Variants in ROBO1 observed in about 807,000 individuals in gnomAD.
ROBO1 encodes roundabout homolog 1.
A neutral mutation model predicts 195.9 loss-of-function variants in ROBO1; 149 were observed. That is an observed-to-expected ratio of 0.76 (90% CI 0.67 to 0.87). The LOEUF (loss-of-function observed/expected upper bound fraction) is 0.87. ROBO1 is among the 40% of genes least tolerant of loss of function. The probability of loss-of-function intolerance (pLI) is 0.00; values close to 1 mark genes in which losing one functional copy is unlikely to be tolerated. For synonymous variants in ROBO1, 816 were observed against 733.2 expected, an observed-to-expected ratio of 1.11 and a Z score of -1.82; for missense variants, 1,933 against 2,068.3, an observed-to-expected ratio of 0.93 and a Z score of 1.27.
At chr3:78,945,675 C>CT (rs1228134318) in intron 3 of ROBO1, among the ~76,000 whole-genome samples, 2 of 152,168 alleles carry the variant, frequency 1.3e-5, no homozygotes, top group African/African-American at 4.8e-5. Context: ...TGGAGAATGA[C>CT]TTTGACAAAT....
chr3:79,596,507 GC>G (rs1192230822), intron 1 of ROBO1, among the ~76,000 whole-genome samples: 3 of 151,888 alleles, frequency 2.0e-5, no homozygotes, highest in Non-Finnish European at 4.4e-5. Flanking sequence ...TACATGGAAG[GC>G]TTTTGTGTAA....
intron 3 of ROBO1, among the ~76,000 whole-genome samples, chr3:79,063,827 CTT>C (rs1465287968): frequency 6.6e-6 from 1 of 151,568 alleles, no homozygotes; most frequent in South Asian, 2.1e-4. Context: ...AAAATGAAAA[CTT>C]TTTAAGGCAC....
intron 2 of ROBO1, among the ~76,000 whole-genome samples, chr3:79,517,437 C>T (rs1424355416): frequency 6.6e-6 from 1 of 152,188 alleles, no homozygotes; most frequent in Non-Finnish European, 1.5e-5. Flanking sequence ...TTGGCTGGCT[C>T]TGCATCAATC....
At chr3:78,727,588 G>GT (rs1003809975) in intron 5 of ROBO1, among the ~76,000 whole-genome samples, 1 of 152,176 alleles carries the variant, frequency 6.6e-6, no homozygotes, top group Non-Finnish European at 1.5e-5. Flanking sequence ...TCGAACCACT[G>GT]TACTCCAGCC....
Position 79,551,771 on chromosome 3 carries a change from T to C in ROBO1, c.88+38053A>G, listed in dbSNP as rs78474540. On this transcript the variant is annotated intron_variant, in intron 2 of 30. Coordinates refer to ENST00000464233, the MANE Select transcript of ROBO1 (RefSeq NM_002941.4). ...GTGACAAAGTAAATGTAGAATTTTA[T>C]GTGAACAGGGAGAAAAAGGACCTTT... Among the ~76,000 whole-genome samples, 1,424 of 151,980 alleles carry C rather than the reference T, an allele frequency of 9.4e-3. 23 individuals are homozygous for C. The highest frequency in any genetic ancestry group is 0.033 in the African/African-American group (1,360 of 41,438).
At chr3:79,689,460 T>G (rs750210653) in intron 1 of ROBO1, among the ~76,000 whole-genome samples, 4 of 151,950 alleles carry the variant, frequency 2.6e-5, no homozygotes, top group Non-Finnish European at 5.9e-5. Context: ...TATAATCATA[T>G]GAATAATTTT....
chr3:79,022,690 T>C (rs1180919451), intron 3 of ROBO1, among the ~76,000 whole-genome samples: 1 of 152,222 alleles, frequency 6.6e-6, no homozygotes, highest in African/African-American at 2.4e-5. Context: ...GTGTGGTAAC[T>C]TGTACTCAGG....
At chr3:79,576,077 A>C (rs1163951800) in intron 2 of ROBO1, among the ~76,000 whole-genome samples, 3 of 151,904 alleles carry the variant, frequency 2.0e-5, no homozygotes, top group Admixed American at 1.3e-4. Context: ...TACAGCTTAA[A>C]ATTTTCTCTC....
At position 78,711,343 on chromosome 3, in the gene ROBO1, C is replaced by CCTCCTTT. The variant is rs1371623770; in HGVS notation, c.1045+3053_1045+3054insAAAGGAG. On this transcript the variant is annotated intron_variant, in intron 8 of 30. Coordinates refer to ENST00000464233, the MANE Select transcript of ROBO1 (RefSeq NM_002941.4). ...TCTCTCTCTCCTTCCTTCCTTCCTT[C>CCTCCTTT]CTTCCTCCTTCCTTCCTTCCTTCCT... 4.2e-3 allele frequency among the ~76,000 whole-genome samples: 430 copies of CCTCCTTT among 101,434 alleles called. 10 individuals carry two copies. Among genetic ancestry groups the CCTCCTTT allele is most frequent in the South Asian group, 0.02 (57 of 2,906 alleles). 66.5% of individuals were successfully genotyped at this position (101,434 alleles called of 152,430 possible).
intron 2 of ROBO1, among the ~76,000 whole-genome samples, chr3:79,523,160 ACCACAC>A (rs1241342801): frequency 2.6e-5 from 3 of 113,598 alleles, no homozygotes; most frequent in Non-Finnish European, 5.0e-5. Flanking sequence ...GGCTTCATAA[ACCACAC>A]ACACACACAC....
chr3:78,598,850 T>TCTGA lies in ROBO1; in HGVS notation c.*59_*62dup. 8.7e-7 allele frequency: 1 copy of TCTGA among 1,145,792 alleles called. No individual in the cohort carries two copies. Among genetic ancestry groups the TCTGA allele is most frequent in the Non-Finnish European group, 1.3e-6 (1 of 793,322 alleles). The allele number at this position is 1,145,792 out of a possible 1,614,324, so 71.0% of individuals were successfully genotyped here. ...ACATTTTATCTGGCGTCATGTGTCA[T>TCTGA]CTGACAGGAGGCATCTTGAGTGATG... On this transcript the variant is annotated 3_prime_UTR_variant, in exon 31 of 31. Transcript: ENST00000464233.
chr3:79,238,869 C>G (rs1056094789), intron 2 of ROBO1, among the ~76,000 whole-genome samples: 2 of 152,228 alleles, frequency 1.3e-5, no homozygotes, highest in African/African-American at 2.4e-5. Context: ...GTCACTTGCA[C>G]AATCCCAATT....
intron 1 of ROBO1, among the ~76,000 whole-genome samples, chr3:79,748,680 CT>C (rs893829833): frequency 6.6e-6 from 1 of 151,994 alleles, no homozygotes; most frequent in African/African-American, 2.4e-5. Context: ...GGGGATGGGT[CT>C]TTTTTGTGCT....
chr3:78,758,478 G>C (rs1024360360), intron 4 of ROBO1, among the ~76,000 whole-genome samples: 2 of 139,698 alleles, frequency 1.4e-5, no homozygotes, highest in Admixed American at 1.5e-4. Flanking sequence ...GTGAGCCATG[G>C]TCATGCCACT....
intron 2 of ROBO1, among the ~76,000 whole-genome samples, chr3:79,417,674 A>G (rs1486549789): frequency 6.6e-6 from 1 of 152,188 alleles, no homozygotes; most frequent in African/African-American, 2.4e-5. Flanking sequence ...GACTGCAATT[A>G]TAACTTTAAT....
At chr3:79,326,403 C>A (rs1451605116) in intron 2 of ROBO1, among the ~76,000 whole-genome samples, 1 of 152,128 alleles carries the variant, frequency 6.6e-6, no homozygotes, top group African/African-American at 2.4e-5. Context: ...CCCCAGACGA[C>A]CAGCTTTAAA....
At chr3:79,489,247 AATGTGAAGGT>A (rs1939323512) in intron 2 of ROBO1, among the ~76,000 whole-genome samples, 1 of 152,118 alleles carries the variant, frequency 6.6e-6, no homozygotes, top group Non-Finnish European at 1.5e-5. Flanking sequence ...TCTTAACATG[AATGTGAAGGT>A]ATGGCATAAA....
chr3:78,940,747 C>T (rs775920248), intron 3 of ROBO1, among the ~76,000 whole-genome samples: 45 of 152,304 alleles, frequency 3.0e-4, no homozygotes, highest in African/African-American at 1.0e-3. Flanking sequence ...ATCTATTTGT[C>T]GGATGCTATT....
At chr3:79,181,921 G>T (rs2081347805) in intron 2 of ROBO1, among the ~76,000 whole-genome samples, 1 of 122,160 alleles carries the variant, frequency 8.2e-6, no homozygotes. Context: ...GCGAGATCTT[G>T]TGCCAAAAAA....
Sources: allele counts gnomAD v4.1 joint callset (sites outside exome capture counted in the v4.1 genomes callset), GRCh38; gene constraint gnomAD v4.1.1; transcripts MANE v1.5; gene names NCBI Gene and HGNC (gene_info 2026-07-23, HGNC 2026-07-21).